LRMDA: variants seen among roughly 807,000 people sequenced by gnomAD.
LRMDA encodes the protein leucine-rich melanocyte differentiation-associated protein.
Under a neutral mutation model 29.8 loss-of-function variants are expected in LRMDA, and 18 were observed. The ratio of observed to expected loss-of-function variants is 0.60; its 90% CI spans 0.42 to 0.90. The LOEUF (loss-of-function observed/expected upper bound fraction) is 0.90, where lower values mean the gene tolerates loss of function less well. Among genes scored for constraint, LRMDA ranks in the 40% least tolerant of loss-of-function variants. The pLI, the probability that LRMDA is intolerant of heterozygous loss-of-function variation, is 0.00. For missense variants in LRMDA, 273 were observed against 273.9 expected, an observed-to-expected ratio of 1.00 and a Z score of 0.02; for synonymous variants, 125 against 109.4, an observed-to-expected ratio of 1.14 and a Z score of -0.89.
At chr10:75,847,714 A>G (rs1844664463) in intron 2 of LRMDA, among the ~76,000 whole-genome samples, 2 of 152,238 alleles carry the variant, frequency 1.3e-5, no homozygotes, top group Admixed American at 6.5e-5. Context: ...AAGAAGATAT[A>G]CAAATGGCTA....
chr10:75,929,748 G>A (rs1322520049), intron 2 of LRMDA, among the ~76,000 whole-genome samples: 1 of 152,122 alleles, frequency 6.6e-6, no homozygotes, highest in East Asian at 1.9e-4. Context: ...TCCTGTAGTT[G>A]AGGGTTACAA....
intron 2 of LRMDA, among the ~76,000 whole-genome samples, chr10:75,880,378 C>G (rs867230362): frequency 6.6e-6 from 1 of 152,180 alleles, no homozygotes; most frequent in African/African-American, 2.4e-5. Context: ...AGAGATATTG[C>G]TAATAACTCA....
At chr10:76,374,730 G>A (rs868687623) in intron 6 of LRMDA, among the ~76,000 whole-genome samples, 1 of 152,176 alleles carries the variant, frequency 6.6e-6, no homozygotes, top group Non-Finnish European at 1.5e-5. Context: ...GGCATGAACA[G>A]CAGGGGAAGT....
chr10:75,505,216 A>C (rs1310022211), intron 2 of LRMDA, among the ~76,000 whole-genome samples: 1 of 152,060 alleles, frequency 6.6e-6, no homozygotes, highest in Non-Finnish European at 1.5e-5. Flanking sequence ...AAGTGTAAGC[A>C]CTCCAGGGCT....
At chr10:75,704,328 T>A (rs1842341725) in intron 2 of LRMDA, among the ~76,000 whole-genome samples, 1 of 152,244 alleles carries the variant, frequency 6.6e-6, no homozygotes. Flanking sequence ...TTATATTTTT[T>A]AAAAGTCCTT....
intron 6 of LRMDA, among the ~76,000 whole-genome samples, chr10:76,400,304 C>G (rs1841834962): frequency 6.6e-6 from 1 of 152,164 alleles, no homozygotes; most frequent in Non-Finnish European, 1.5e-5. Flanking sequence ...AGACCCCAGC[C>G]CTGGTCTGTA....
chr10:76,245,424 TTGTC>T (rs1438651528), intron 5 of LRMDA, among the ~76,000 whole-genome samples: 1 of 152,150 alleles, frequency 6.6e-6, no homozygotes, highest in Non-Finnish European at 1.5e-5. Flanking sequence ...CCTCTTCCCA[TTGTC>T]TGTTATGTTG....
intron 2 of LRMDA, among the ~76,000 whole-genome samples, chr10:75,682,371 G>T (rs867660511): frequency 6.6e-6 from 1 of 152,128 alleles, no homozygotes; most frequent in Middle Eastern, 3.2e-3. Flanking sequence ...ATGCATGAGA[G>T]AAGTTAAATA....
chr10:76,026,223 A>C lies in LRMDA; in HGVS notation c.132-9785A>C, dbSNP rs1347464460. On this transcript the variant is annotated intron_variant, in intron 2 of 6. Coordinates refer to ENST00000611255, the MANE Select transcript of LRMDA (RefSeq NM_001305581.2). ...TACAATGAATGGGTTACAAAGCTACACACAGTGTTTGGATAAAGGATGTGG... is the reference window on the plus strand; with the variant it reads ...TACAATGAATGGGTTACAAAGCTACCCACAGTGTTTGGATAAAGGATGTGG... Among the ~76,000 whole-genome samples, 3 of 152,382 alleles carry C rather than the reference A, an allele frequency of 2.0e-5. No homozygotes were observed. In the East Asian group the frequency reaches 5.8e-4, roughly 29 times the overall value.
chr10:75,626,777 G>C (rs1260270964), intron 2 of LRMDA, among the ~76,000 whole-genome samples: 2 of 152,174 alleles, frequency 1.3e-5, no homozygotes, highest in Non-Finnish European at 2.9e-5. Flanking sequence ...TGCCTGTATG[G>C]CCTGATGGTT....
chr10:76,399,294 G>A (rs2132494177), intron 6 of LRMDA, among the ~76,000 whole-genome samples: 1 of 152,256 alleles, frequency 6.6e-6, no homozygotes, highest in South Asian at 2.1e-4. Context: ...AAAAATCCTG[G>A]TGGGATCAGT....
intron 5 of LRMDA, among the ~76,000 whole-genome samples, chr10:76,131,308 A>G (rs1000220933): frequency 3.3e-5 from 5 of 152,144 alleles, no homozygotes; most frequent in Admixed American, 1.3e-4. Flanking sequence ...TCAGGACTCA[A>G]TGTAAAGCCA....
chr10:76,235,810 A>G (rs1852142153), intron 5 of LRMDA, among the ~76,000 whole-genome samples: 1 of 152,234 alleles, frequency 6.6e-6, no homozygotes, highest in African/African-American at 2.4e-5. Flanking sequence ...CTCTCAGGTC[A>G]TAACAGTTTT....
At chr10:75,826,417 G>C (rs933619548) in intron 2 of LRMDA, among the ~76,000 whole-genome samples, 2 of 151,994 alleles carry the variant, frequency 1.3e-5, no homozygotes, top group African/African-American at 4.8e-5. Context: ...TTTTTGGGTA[G>C]AGTAATGAAA....
intron 6 of LRMDA, among the ~76,000 whole-genome samples, chr10:76,421,025 G>A (rs1288558164): frequency 6.6e-6 from 1 of 152,100 alleles, no homozygotes; most frequent in Admixed American, 6.6e-5. Flanking sequence ...GTATATACAT[G>A]TGCGTATGAT....
chr10:75,715,208 G>C (rs1225647767), intron 2 of LRMDA, among the ~76,000 whole-genome samples: 2 of 152,120 alleles, frequency 1.3e-5, no homozygotes, highest in Non-Finnish European at 2.9e-5. Flanking sequence ...GATCTTACTG[G>C]TGCATCCCTC....
At chr10:75,597,920 C>T (rs1840816908) in intron 2 of LRMDA, among the ~76,000 whole-genome samples, 1 of 152,114 alleles carries the variant, frequency 6.6e-6, no homozygotes, top group South Asian at 2.1e-4. Context: ...ATGTGTCAAG[C>T]TGTCAGCCTG....
At chr10:75,723,460 T>C (rs1842594208) in intron 2 of LRMDA, among the ~76,000 whole-genome samples, 1 of 152,196 alleles carries the variant, frequency 6.6e-6, no homozygotes, top group East Asian at 1.9e-4. Context: ...ACATTATGTA[T>C]TGTCACAGTC....
chr10:75,629,885 TA>T (rs1430699516), intron 2 of LRMDA, among the ~76,000 whole-genome samples: 5 of 152,208 alleles, frequency 3.3e-5, no homozygotes, highest in Non-Finnish European at 7.4e-5. Context: ...CTCTGCTGGC[TA>T]TTGTTGGCAA....
Sources: allele counts gnomAD v4.1 joint callset (sites outside exome capture counted in the v4.1 genomes callset), GRCh38; gene constraint gnomAD v4.1.1; transcripts MANE v1.5; gene names NCBI Gene and HGNC (gene_info 2026-07-23, HGNC 2026-07-21).